The following WFDC9 variants were observed in gnomAD, a reference collection of about 807,000 sequenced individuals.
The protein encoded by WFDC9 is protein WFDC9.
In WFDC9, 9 loss-of-function variants were observed where a neutral mutation model predicts 9.5. The observed-to-expected ratio is 0.95, with a 90% CI of 0.57 to 1.65. WFDC9 has a LOEUF of 1.65. Ranked by LOEUF, WFDC9 falls within the 40% of genes most tolerant of loss-of-function variation. WFDC9 has a pLI of 0.00. For synonymous variants in WFDC9, 33 were observed against 32.3 expected (o/e 1.02, Z -0.07); for missense variants, 87 against 106.7 (o/e 0.82, Z 0.81).
At chr20:45,631,043 A>T (rs1192926683) in intron 1 of WFDC9, 160 bp downstream of exon 1, 1 of 1,566,508 alleles carries the variant, frequency 6.4e-7, no homozygotes, top group Non-Finnish European at 8.6e-7. Flanking sequence ...TGGGATGTGC[A>T]TCCTGCTTCC....
intron 1 of WFDC9, among the ~76,000 whole-genome samples, chr20:45,624,357 G>A (rs552607768): frequency 6.6e-6 from 1 of 152,252 alleles, no homozygotes; most frequent in Admixed American, 6.5e-5. Context: ...AGAACATAAT[G>A]TCCTCCAGTT....
intron 1 of WFDC9, among the ~76,000 whole-genome samples, chr20:45,627,553 G>T (rs900381359): frequency 6.6e-6 from 1 of 151,990 alleles, no homozygotes; most frequent in Non-Finnish European, 1.5e-5. Flanking sequence ...GTGGTAGGTT[G>T]TATGTGTTCA....
intron 3 of WFDC9, among the ~76,000 whole-genome samples, chr20:45,609,331 G>A (rs1235101774): frequency 6.6e-6 from 1 of 151,742 alleles, no homozygotes; most frequent in Non-Finnish European, 1.5e-5. Flanking sequence ...AGCCTCCTGA[G>A]TAGCTGGGAT....
At chr20:45,624,593 G>A (rs1001233977) in intron 1 of WFDC9, among the ~76,000 whole-genome samples, 1 of 152,124 alleles carries the variant, frequency 6.6e-6, no homozygotes, top group African/African-American at 2.4e-5. Flanking sequence ...TGGGATTGCT[G>A]GGTCATATGG....
chr20:45,617,664 C>A (rs1982002414), intron 1 of WFDC9, among the ~76,000 whole-genome samples: 2 of 151,982 alleles, frequency 1.3e-5, no homozygotes, highest in African/African-American at 4.8e-5. Flanking sequence ...CTGAAATATT[C>A]TTTTTATTGA....
intron 1 of WFDC9, among the ~76,000 whole-genome samples, chr20:45,621,246 C>T (rs2145599916): frequency 6.6e-6 from 1 of 152,330 alleles, no homozygotes; most frequent in East Asian, 1.9e-4. Flanking sequence ...AGTATGCTAA[C>T]TGTTCCCTTT....
intron 1 of WFDC9, among the ~76,000 whole-genome samples, chr20:45,620,368 G>A (rs569774293): frequency 6.6e-6 from 1 of 152,254 alleles, no homozygotes; most frequent in South Asian, 2.1e-4. Context: ...GAGGTGGGTG[G>A]ATTGCTTGAG....
intron 4 of WFDC9, 64 bp from the exon 5 acceptor site, chr20:45,608,204 G>T: frequency 6.6e-7 from 1 of 1,517,588 alleles, no homozygotes; most frequent in Non-Finnish European, 9.0e-7. Flanking sequence ...AAAATTAATA[G>T]CATCCTAGGC....
intron 1 of WFDC9, among the ~76,000 whole-genome samples, chr20:45,615,780 T>C (rs1377327966): frequency 1.3e-5 from 2 of 152,072 alleles, no homozygotes; most frequent in African/African-American, 2.4e-5. Flanking sequence ...TTTCTTATGA[T>C]GAATTTCATT....
At chr20:45,623,561 AG>A (rs1982148317) in intron 1 of WFDC9, among the ~76,000 whole-genome samples, 1 of 151,778 alleles carries the variant, frequency 6.6e-6, no homozygotes, top group African/African-American at 2.4e-5. Flanking sequence ...CAGGGGGCGG[AG>A]GTTGCAGTGA....
chr20:45,623,586 C>A (rs6017635), intron 1 of WFDC9, among the ~76,000 whole-genome samples: 6,417 of 151,466 alleles, frequency 0.042, 289 homozygotes, highest in East Asian at 0.24. Flanking sequence ...GAGATCATGC[C>A]ACTTCACTCC....
At chr20:45,618,462 A>G (rs2145598570) in intron 1 of WFDC9, among the ~76,000 whole-genome samples, 1 of 152,350 alleles carries the variant, frequency 6.6e-6, no homozygotes, top group Middle Eastern at 3.4e-3. Context: ...AGCTGTTAAC[A>G]TGCCTTCCTC....
At chr20:45,629,668 C>T in intron 1 of WFDC9, 1 of 1,043,448 alleles carries the variant, frequency 9.6e-7, no homozygotes, top group South Asian at 1.6e-5. Context: ...AGGAAGGACT[C>T]TCTTGCTCTG....
At position 45,618,083 on chromosome 20, in the gene WFDC9, C is replaced by G. The variant is rs1982012362; in HGVS notation, c.-152-3362G>C. On this transcript the variant is annotated intron_variant, in intron 1 of 4. Coordinates refer to ENST00000326000, the MANE Select transcript of WFDC9 (RefSeq NM_147198.4). Reference sequence around the variant, plus strand: ...TTCTGGATAACTTGCTGTGTAGCTTCTCCATCAGCACTTGCTACTTCACAT... The same window carrying G: ...TTCTGGATAACTTGCTGTGTAGCTTGTCCATCAGCACTTGCTACTTCACAT... Among the ~76,000 whole-genome samples, 3 of 152,194 alleles carry G rather than the reference C, an allele frequency of 2.0e-5. No individual in the cohort carries two copies. In the South Asian group the frequency reaches 6.2e-4, roughly 32 times the overall value.
rs1238189164 is a variant in WFDC9 at position 45,610,252 on chromosome 20, G to C, written c.-58-13C>G. 7.4e-7 allele frequency: 1 copy of C among 1,344,774 alleles called. No homozygotes were observed. The highest frequency in any genetic ancestry group is 1.4e-5 in the African/African-American group (1 of 69,598). The allele number at this position is 1,344,774 out of a possible 1,614,324, so 83.3% of individuals were successfully genotyped here. On this transcript the variant is annotated splice_polypyrimidine_tract_variant and intron_variant, in intron 2 of 4. Transcript: ENST00000326000. ...TCTTTTCCCAATACTGCTAGACGTA[G>C]AAAATGGATTGAGGAGAACAGGGTA...
intron 2 of WFDC9, among the ~76,000 whole-genome samples, 157 bp from the exon 3 acceptor site, chr20:45,610,396 T>TATTA (rs1374991034): frequency 1.3e-5 from 2 of 152,178 alleles, no homozygotes; most frequent in African/African-American, 4.8e-5. Context: ...TCTCATCTCA[T>TATTA]ATTACATACC....
chr20:45,609,154 A>C (rs1283987766), intron 3 of WFDC9, among the ~76,000 whole-genome samples: 1 of 152,122 alleles, frequency 6.6e-6, no homozygotes. Context: ...GCCAATTTGC[A>C]GAGTGGGAAA....
rs772310050 is a variant in WFDC9 at position 45,629,908 on chromosome 20, G to A, written c.-153+1295C>T. ...CGTGACAAGAAGAGGATGCAGAGTAGGTGATGGGCTGCTGGATGGGTGAGG... is the reference window on the plus strand; with the variant it reads ...CGTGACAAGAAGAGGATGCAGAGTAAGTGATGGGCTGCTGGATGGGTGAGG... On this transcript the variant is annotated intron_variant, in intron 1 of 4. Coordinates refer to ENST00000326000, the MANE Select transcript of WFDC9 (RefSeq NM_147198.4). The A allele has an allele frequency of 8.7e-6, 14 of 1,613,292 alleles. No individual in the cohort carries two copies. In the African/African-American group the frequency reaches 1.9e-4, roughly 22 times the overall value.
At chr20:45,619,208 G>A (rs933626544) in intron 1 of WFDC9, among the ~76,000 whole-genome samples, 1 of 152,110 alleles carries the variant, frequency 6.6e-6, no homozygotes, top group Non-Finnish European at 1.5e-5. Context: ...CATGCATGAC[G>A]ATCATAGTCT....
Sources: allele counts gnomAD v4.1 joint callset (sites outside exome capture counted in the v4.1 genomes callset), GRCh38; gene constraint gnomAD v4.1.1; transcripts MANE v1.5; gene names NCBI Gene and HGNC (gene_info 2026-07-23, HGNC 2026-07-21).